Variants in DLGAP2 observed in about 807,000 individuals in gnomAD.
The protein encoded by DLGAP2 is disks large-associated protein 2.
Under a neutral mutation model 100.3 loss-of-function variants are expected in DLGAP2, and 26 were observed. The ratio of observed to expected loss-of-function variants is 0.26; its 90% CI spans 0.19 to 0.36. DLGAP2 has a LOEUF of 0.36. DLGAP2 is among the 10% of genes least tolerant of loss of function. The pLI is 1.00. For synonymous variants in DLGAP2, 886 were observed against 630.1 expected, an observed-to-expected ratio of 1.41 and a Z score of -6.08; for missense variants, 1,858 against 1,453.2, an observed-to-expected ratio of 1.28 and a Z score of -4.53.
At chr8:1,655,056 T>C (rs1798252879) in intron 8 of DLGAP2, among the ~76,000 whole-genome samples, 2 of 152,364 alleles carry the variant, frequency 1.3e-5, no homozygotes, top group South Asian at 4.1e-4. Context: ...TGTTAAATGC[T>C]GGTGAGACTA....
intron 4 of DLGAP2, among the ~76,000 whole-genome samples, chr8:1,509,418 G>C (rs150899522): frequency 6.6e-6 from 1 of 151,860 alleles, no homozygotes; most frequent in Non-Finnish European, 1.5e-5. Flanking sequence ...TTTTTTGGGT[G>C]TGTGCGTGTG....
chr8:1,472,358 A>G lies in DLGAP2; in HGVS notation c.107-29008A>G, dbSNP rs140104012. Among the ~76,000 whole-genome samples the G allele has an allele frequency of 3.3e-4, 50 of 152,298 alleles. 1 individual carries two copies. Among genetic ancestry groups the G allele is most frequent in the Admixed American group, 2.0e-4 (3 of 15,304 alleles). On this transcript the variant is annotated intron_variant, in intron 3 of 14. Coordinates refer to ENST00000637795, the MANE Select transcript of DLGAP2 (RefSeq NM_001346810.2). ...TCATCCCTTCAGGCCCTTCTGGTAA[A>G]TCCCAAAGCGGGTGTGGCCCTTGCA...
chr8:1,025,145 T>C (rs1389627283), intron 2 of DLGAP2, among the ~76,000 whole-genome samples: 3 of 152,026 alleles, frequency 2.0e-5, no homozygotes, highest in Admixed American at 6.6e-5. Context: ...TGTGTGTGCG[T>C]GTGTGTGTGC....
intron 2 of DLGAP2, among the ~76,000 whole-genome samples, chr8:941,944 G>A (rs1219716421): frequency 2.6e-5 from 4 of 152,084 alleles, no homozygotes; most frequent in African/African-American, 9.7e-5. Context: ...GCTGGGAAGC[G>A]GGGGTGCTGA....
chr8:769,533 A>C (rs546137713), intron 1 of DLGAP2, among the ~76,000 whole-genome samples: 1 of 152,324 alleles, frequency 6.6e-6, no homozygotes, highest in South Asian at 2.1e-4. Flanking sequence ...AAAAATCATG[A>C]GAAATCTTTC....
At chr8:1,672,264 T>C (rs1798709218) in intron 10 of DLGAP2, among the ~76,000 whole-genome samples, 1 of 151,410 alleles carries the variant, frequency 6.6e-6, no homozygotes, top group Non-Finnish European at 1.5e-5. Context: ...TCTCACTCTG[T>C]TGCCCAGGCT....
At chr8:1,519,305 G>A (rs1307238039) in intron 4 of DLGAP2, among the ~76,000 whole-genome samples, 1 of 83,612 alleles carries the variant, frequency 1.2e-5, no homozygotes, top group Admixed American at 1.4e-4. Flanking sequence ...TTGTCTACTT[G>A]GAAATCTTAA....
intron 2 of DLGAP2, among the ~76,000 whole-genome samples, chr8:958,337 A>G (rs1046580701): frequency 1.3e-5 from 2 of 152,206 alleles, no homozygotes; most frequent in Non-Finnish European, 2.9e-5. Flanking sequence ...GGCTGTTGTG[A>G]ATAGTCAACA....
At chr8:744,601 C>G (rs7012754) in intron 1 of DLGAP2, among the ~76,000 whole-genome samples, 5,447 of 144,362 alleles carry the variant, frequency 0.038, 479 homozygotes, top group African/African-American at 0.15. Context: ...CACGGTCACT[C>G]CCTGCCTCTT....
intron 2 of DLGAP2, among the ~76,000 whole-genome samples, chr8:981,358 A>G (rs1457032217): frequency 4.0e-5 from 6 of 151,818 alleles, no homozygotes; most frequent in Non-Finnish European, 5.9e-5. Context: ...CCTTTTGTCT[A>G]TTGTGCTATT....
chr8:801,107 C>G (rs1055793463), intron 1 of DLGAP2, among the ~76,000 whole-genome samples: 1 of 152,252 alleles, frequency 6.6e-6, no homozygotes, highest in Non-Finnish European at 1.5e-5. Flanking sequence ...ACAGATCCCA[C>G]TGCATGATCG....
chr8:1,276,689 G>C (rs1484159176), intron 3 of DLGAP2, among the ~76,000 whole-genome samples: 1 of 152,006 alleles, frequency 6.6e-6, no homozygotes, highest in African/African-American at 2.4e-5. Flanking sequence ...TGGATGAGTA[G>C]AACAAGACAC....
intron 2 of DLGAP2, among the ~76,000 whole-genome samples, chr8:1,164,111 A>AGCCTCCCAGG (rs1796947234): frequency 1.0e-5 from 1 of 95,982 alleles, no homozygotes; most frequent in African/African-American, 3.5e-5. Flanking sequence ...TTTTTCTGTG[A>AGCCTCCCAGG]GCCCGCAGGG....
chr8:844,410 C>G (rs1797036269), intron 1 of DLGAP2, among the ~76,000 whole-genome samples: 1 of 152,230 alleles, frequency 6.6e-6, no homozygotes, highest in African/African-American at 2.4e-5. Flanking sequence ...TGGTAGACGA[C>G]AGTCTCGATT....
rs1284551850 is a variant in DLGAP2 at position 1,009,790 on chromosome 8, C to A, written c.73+101824C>A. 2.0e-5 allele frequency among the ~76,000 whole-genome samples: 3 copies of A among 152,282 alleles called. No homozygotes were observed. In the South Asian group the frequency reaches 6.2e-4, roughly 32 times the overall value. ...CTAGACCTTGCTCACATAATCCTGG[C>A]GCTTTGCAGAGGAAGGAGGTGGTAA... On this transcript the variant is annotated intron_variant, in intron 2 of 14. Coordinates refer to ENST00000637795, the MANE Select transcript of DLGAP2 (RefSeq NM_001346810.2).
intron 3 of DLGAP2, among the ~76,000 whole-genome samples, chr8:1,483,703 G>GGTGCAGGACATGGGGACCAGGGAGGCAT (rs1563176019): frequency 2.6e-5 from 4 of 151,120 alleles, no homozygotes; most frequent in African/African-American, 7.3e-5. Flanking sequence ...CAGGGAGGCA[G>GGTGCAGGACATGGGGACCAGGGAGGCAT]GTGCAGGACG....
At chr8:965,135 C>T (rs1055842160) in intron 2 of DLGAP2, among the ~76,000 whole-genome samples, 11 of 149,382 alleles carry the variant, frequency 7.4e-5, no homozygotes, top group African/African-American at 2.0e-4. Flanking sequence ...ATGCACACGG[C>T]GCTGTTCACC....
At position 1,376,092 on chromosome 8, in the gene DLGAP2, GTTAACGACA is replaced by G. The variant is rs1179257223; in HGVS notation, c.106+117210_106+117218del. Among the ~76,000 whole-genome samples, 628 of 131,494 alleles carry G rather than the reference GTTAACGACA, an allele frequency of 4.8e-3. 1 individual carries two copies. Among genetic ancestry groups the G allele is most frequent in the African/African-American group, 0.016 (593 of 36,316 alleles). 86.3% of individuals were successfully genotyped at this position (131,494 alleles called of 152,430 possible). The stretch of plus-strand genomic sequence containing the variant: ...CTGAGCCCCCACCTCCTACATTTGG[GTTAACGACA>G]CCTCTCCACGACCTCAGAACTGAGC... On this transcript the variant is annotated intron_variant, in intron 3 of 14. Coordinates refer to ENST00000637795, the MANE Select transcript of DLGAP2 (RefSeq NM_001346810.2).
At chr8:803,420 ACTGTTTAT>A (rs1796209168) in intron 1 of DLGAP2, among the ~76,000 whole-genome samples, 2 of 151,364 alleles carry the variant, frequency 1.3e-5, no homozygotes, top group African/African-American at 4.9e-5. Flanking sequence ...TCTTTTTTCC[ACTGTTTAT>A]TGATTGAAAG....
Sources: gnomAD v4.1 joint callset for allele counts (sites outside exome capture counted in the v4.1 genomes callset) on GRCh38, gnomAD v4.1.1 for gene constraint, MANE v1.5 for transcripts, NCBI Gene and HGNC (gene_info 2026-07-23, HGNC 2026-07-21) for gene names.